Variants in RBFOX1 observed in about 807,000 individuals in gnomAD.
RBFOX1 encodes RNA binding protein fox-1 homolog 1.
In RBFOX1, 8 loss-of-function variants were observed where a neutral mutation model predicts 57.7. The observed-to-expected ratio is 0.14, with a 90% CI of 0.08 to 0.25. The LOEUF (loss-of-function observed/expected upper bound fraction) is 0.25. Among genes scored for constraint, RBFOX1 ranks in the 10% least tolerant of loss-of-function variants. The pLI, the probability that RBFOX1 is intolerant of heterozygous loss-of-function variation, is 1.00. For missense variants in RBFOX1, 611 were observed against 548.5 expected (o/e 1.11, Z -1.14); for synonymous variants, 326 against 222.4 (o/e 1.47, Z -4.15).
chr16:6,835,391 T>C (rs2093019364), intron 3 of RBFOX1, among the ~76,000 whole-genome samples: 1 of 152,164 alleles, frequency 6.6e-6, no homozygotes, highest in African/African-American at 2.4e-5. Flanking sequence ...ATAGGACCTG[T>C]ATTAAAGGGA....
At chr16:6,120,429 A>G (rs151240716) in intron 1 of RBFOX1, among the ~76,000 whole-genome samples, 179 of 152,184 alleles carry the variant, frequency 1.2e-3, no homozygotes, top group African/African-American at 4.2e-3. Flanking sequence ...TTGTAAACAA[A>G]TTTCCTATGT....
At chr16:7,245,312 C>T (rs1426382725) in intron 4 of RBFOX1, among the ~76,000 whole-genome samples, 2 of 151,996 alleles carry the variant, frequency 1.3e-5, no homozygotes, top group Admixed American at 6.6e-5. Context: ...TTCCTGTACT[C>T]TTGAGTTTTT....
At chr16:5,586,805 C>A (rs901893527) in intron 2 of RBFOX1, among the ~76,000 whole-genome samples, 2 of 152,150 alleles carry the variant, frequency 1.3e-5, no homozygotes, top group Non-Finnish European at 2.9e-5. Flanking sequence ...CCCCCATTAC[C>A]CCCAGTTTTA....
rs2062395790 is a variant in RBFOX1, at chr16:7,639,530, T to C, written c.757+8847T>C. ...CAGGTGCAATTCTACATCCTGAAAA[T>C]ATGCTGTGAAGATACTCTCAAGTTG... On this transcript the variant is annotated intron_variant, in intron 11 of 15. Transcript: ENST00000550418. 1.3e-5 allele frequency among the ~76,000 whole-genome samples: 2 copies of C among 152,140 alleles called. 1 individual carries two copies. The highest frequency in any genetic ancestry group is 4.1e-4 in the South Asian group (2 of 4,830).
At chr16:6,601,202 C>T (rs749433870) in intron 2 of RBFOX1, among the ~76,000 whole-genome samples, 3 of 152,178 alleles carry the variant, frequency 2.0e-5, no homozygotes, top group South Asian at 4.2e-4. Flanking sequence ...TTTTTAAGAT[C>T]ATGAAATGGA....
chr16:5,552,822 C>T (rs1040286989), intron 2 of RBFOX1, among the ~76,000 whole-genome samples: 1 of 124,966 alleles, frequency 8.0e-6, no homozygotes, highest in African/African-American at 3.1e-5. Context: ...GGCCTCGGAG[C>T]AGATACAGCC....
At chr16:5,295,710 C>G (rs1228868691) in intron 1 of RBFOX1, among the ~76,000 whole-genome samples, 1 of 152,210 alleles carries the variant, frequency 6.6e-6, no homozygotes, top group African/African-American at 2.4e-5. Context: ...AACTTAACAT[C>G]CTATCTAACG....
intron 1 of RBFOX1, among the ~76,000 whole-genome samples, chr16:6,131,414 C>A (rs540260745): frequency 6.6e-6 from 1 of 152,054 alleles, no homozygotes; most frequent in East Asian, 1.9e-4. Context: ...GCAGAAAAAA[C>A]CTAAAATATT....
chr16:6,800,040 C>T (rs1346874346), intron 3 of RBFOX1, among the ~76,000 whole-genome samples: 70 of 152,060 alleles, frequency 4.6e-4, no homozygotes, highest in Non-Finnish European at 1.5e-4. Context: ...CCTAATACAC[C>T]ATCTAAGATA....
At chr16:5,420,756 A>G (rs778208897) in intron 1 of RBFOX1, among the ~76,000 whole-genome samples, 17 of 151,662 alleles carry the variant, frequency 1.1e-4, no homozygotes, top group Non-Finnish European at 2.1e-4. Flanking sequence ...GGCTGGTCTC[A>G]AACTCTTGGC....
chr16:7,036,706 C>CA (rs1408209287), intron 3 of RBFOX1, among the ~76,000 whole-genome samples: 3 of 140,242 alleles, frequency 2.1e-5, no homozygotes, highest in African/African-American at 7.7e-5. Context: ...AACAAACAAA[C>CA]AAACAAAAAA....
intron 3 of RBFOX1, among the ~76,000 whole-genome samples, chr16:6,827,914 C>T (rs2092350138): frequency 6.6e-6 from 1 of 152,232 alleles, no homozygotes; most frequent in South Asian, 2.1e-4. Context: ...AATTTGCATA[C>T]ATTTGTAAGC....
At chr16:5,716,617 A>G (rs1057016855) in intron 3 of RBFOX1, among the ~76,000 whole-genome samples, 3 of 152,230 alleles carry the variant, frequency 2.0e-5, no homozygotes, top group Non-Finnish European at 2.9e-5. Flanking sequence ...GGAGGATTGT[A>G]AATTAGTTCA....
intron 4 of RBFOX1, among the ~76,000 whole-genome samples, chr16:7,157,219 G>A (rs947132255): frequency 9.2e-5 from 14 of 152,198 alleles, no homozygotes; most frequent in African/African-American, 2.9e-4. Flanking sequence ...CCTTGTGTGT[G>A]TGCATTGGCT....
intron 1 of RBFOX1, among the ~76,000 whole-genome samples, chr16:6,257,963 T>C (rs2097678786): frequency 6.6e-6 from 1 of 152,128 alleles, no homozygotes; most frequent in African/African-American, 2.4e-5. Flanking sequence ...CTGAGTCAGA[T>C]GGTAGTTCTC....
At chr16:6,835,020 G>A (rs2092987469) in intron 3 of RBFOX1, among the ~76,000 whole-genome samples, 4 of 151,714 alleles carry the variant, frequency 2.6e-5, no homozygotes, top group African/African-American at 4.8e-5. Flanking sequence ...AGCCTCCTGA[G>A]TAGCTGGGAC....
intron 4 of RBFOX1, among the ~76,000 whole-genome samples, chr16:7,095,239 C>T (rs1044998731): frequency 3.3e-5 from 5 of 152,126 alleles, no homozygotes; most frequent in Non-Finnish European, 7.3e-5. Context: ...CAGGTTCAAA[C>T]GATTCTCCTG....
chr16:6,996,364 CAT>C (rs1491559621), intron 3 of RBFOX1, among the ~76,000 whole-genome samples: 4 of 151,858 alleles, frequency 2.6e-5, no homozygotes, highest in African/African-American at 7.3e-5. Flanking sequence ...TGGTTTTGTG[CAT>C]GTGTGTGTGT....
chr16:6,179,247 G>A (rs2097042063), intron 1 of RBFOX1, among the ~76,000 whole-genome samples: 1 of 152,166 alleles, frequency 6.6e-6, no homozygotes, highest in African/African-American at 2.4e-5. Context: ...GAGGGTCCCA[G>A]GCTCTGTGAT....
Sources: allele counts gnomAD v4.1 joint callset (sites outside exome capture counted in the v4.1 genomes callset), GRCh38; gene constraint gnomAD v4.1.1; transcripts MANE v1.5; gene names NCBI Gene and HGNC (gene_info 2026-07-23, HGNC 2026-07-21).